ROBO2: variants seen among roughly 807,000 people sequenced by gnomAD.
The protein encoded by ROBO2 is roundabout homolog 2.
ROBO2 carries 53 observed loss-of-function variants against 160.8 expected under a neutral mutation model. That is an observed-to-expected ratio of 0.33 (90% CI 0.26 to 0.41). The LOEUF is 0.41. Among genes scored for constraint, ROBO2 ranks in the 10% least tolerant of loss-of-function variants. The pLI is 1.00. For missense variants in ROBO2, 1,577 were observed against 1,722.4 expected, an observed-to-expected ratio of 0.92 and a Z score of 1.49; for synonymous variants, 664 against 611.7, an observed-to-expected ratio of 1.09 and a Z score of -1.26.
intron 2 of ROBO2, among the ~76,000 whole-genome samples, chr3:76,978,943 T>TA (rs2059949024): frequency 1.4e-5 from 2 of 145,676 alleles, no homozygotes; most frequent in South Asian, 2.1e-4. Flanking sequence ...TGTTTGTTTT[T>TA]TAAAAAAAAA....
At position 77,644,770 on chromosome 3, in the gene ROBO2, C is replaced by T. The variant is rs2153724835; in HGVS notation, c.4001C>T (p.Thr1334Ile). ...CCAGGTGGCCACAGCTCATCAGGAA[C>T]AGCTTCTTCTAAGGGATCCACTGGA... Residue 1334 changes from threonine to isoleucine, a missense_variant, in exon 25 of 26, where the codon ACA (threonine) becomes ATA (isoleucine). Thr to Ile is a moderately conservative substitution (Grantham distance 89). Around this residue, in one of 2 missense-constraint regions of ROBO2, gnomAD observed 637 missense variants for 586.9 expected, o/e 1.09. Coordinates refer to ENST00000461745, the Ensembl canonical transcript of ROBO2. The T allele has an allele frequency of 1.9e-6, 3 of 1,614,008 alleles. No individual in the cohort carries two copies. The highest frequency in any genetic ancestry group is 4.5e-5 in the East Asian group (2 of 44,852).
At chr3:77,240,078 A>G (rs9869991) in intron 2 of ROBO2, among the ~76,000 whole-genome samples, 50,577 of 152,056 alleles carry the variant, frequency 0.33, 9,794 homozygotes, top group East Asian at 0.78. Flanking sequence ...AGCCAGTCCC[A>G]TGCTGCGCTC....
chr3:77,542,458 G>A (rs2092511076), intron 6 of ROBO2, among the ~76,000 whole-genome samples: 2 of 152,164 alleles, frequency 1.3e-5, no homozygotes. Context: ...GGTGACAATA[G>A]TCTATTGAAT....
intron 2 of ROBO2, among the ~76,000 whole-genome samples, chr3:77,015,113 T>C (rs1026122884): frequency 7.2e-5 from 11 of 152,054 alleles, no homozygotes; most frequent in Admixed American, 5.2e-4. Flanking sequence ...GGAAAAATCT[T>C]GTCATTTCCC....
chr3:76,773,544 CA>C (rs2062046352), intron 2 of ROBO2, among the ~76,000 whole-genome samples: 1 of 148,504 alleles, frequency 6.7e-6, no homozygotes. Flanking sequence ...TGAAGAGCTT[CA>C]AAATTAAGGG....
chr3:76,795,732 A>T (rs940693068), intron 2 of ROBO2, among the ~76,000 whole-genome samples: 2 of 152,108 alleles, frequency 1.3e-5, no homozygotes, highest in Admixed American at 6.6e-5. Context: ...TGGCATTTTG[A>T]CTTCCACTCA....
At chr3:76,045,801 T>G (rs1404315512) in intron 2 of ROBO2, among the ~76,000 whole-genome samples, 3 of 152,036 alleles carry the variant, frequency 2.0e-5, no homozygotes, top group Non-Finnish European at 4.4e-5. Context: ...TGGTGGTGGT[T>G]TCTTTCCTCC....
intron 2 of ROBO2, among the ~76,000 whole-genome samples, chr3:76,157,224 T>G (rs2106891847): frequency 6.6e-6 from 1 of 152,288 alleles, no homozygotes; most frequent in Non-Finnish European, 1.5e-5. Context: ...TTAATAATAC[T>G]TGGCTGATTA....
chr3:76,133,183 G>C (rs1425432453), intron 2 of ROBO2, among the ~76,000 whole-genome samples: 1 of 151,892 alleles, frequency 6.6e-6, no homozygotes, highest in Non-Finnish European at 1.5e-5. Context: ...AAACTTCTTA[G>C]CCCAGGGTAT....
intron 2 of ROBO2, among the ~76,000 whole-genome samples, chr3:76,450,974 A>C (rs1157490892): frequency 6.6e-6 from 1 of 152,092 alleles, no homozygotes; most frequent in African/African-American, 2.4e-5. Flanking sequence ...CACAAAGGTT[A>C]ATTTACCTCT....
chr3:77,225,316 T>C (rs2086345538), intron 2 of ROBO2, among the ~76,000 whole-genome samples: 1 of 151,924 alleles, frequency 6.6e-6, no homozygotes, highest in Non-Finnish European at 1.5e-5. Context: ...ATGGATTTTT[T>C]TCAAAGATAT....
intron 23 of ROBO2, chr3:77,631,389 C>T (rs2095159283): frequency 6.6e-6 from 1 of 152,082 alleles, no homozygotes; most frequent in African/African-American, 2.4e-5. Context: ...ATTAAATGGT[C>T]TATAGCATTT....
intron 2 of ROBO2, among the ~76,000 whole-genome samples, chr3:77,471,203 A>G (rs1348789484): frequency 6.6e-6 from 1 of 152,214 alleles, no homozygotes; most frequent in Non-Finnish European, 1.5e-5. Context: ...TAATAAACTA[A>G]GATGGAAATG....
intron 2 of ROBO2, among the ~76,000 whole-genome samples, chr3:76,855,470 G>A (rs967390599): frequency 6.6e-6 from 1 of 152,162 alleles, no homozygotes; most frequent in South Asian, 2.1e-4. Flanking sequence ...TGCAATCTGC[G>A]TGTATAAAAC....
intron 2 of ROBO2, among the ~76,000 whole-genome samples, chr3:77,152,543 C>A (rs970565774): frequency 6.6e-6 from 1 of 152,140 alleles, no homozygotes; most frequent in African/African-American, 2.4e-5. Context: ...ACTCAAAGTG[C>A]CCCATGAACA....
At chr3:77,324,802 A>AAAAAAC (rs1398139747) in intron 2 of ROBO2, among the ~76,000 whole-genome samples, 1 of 151,746 alleles carries the variant, frequency 6.6e-6, no homozygotes. Flanking sequence ...AAAAAAAAAA[A>AAAAAAC]AAGCTACCAT....
chr3:76,876,047 T>C (rs1466303785), intron 2 of ROBO2, among the ~76,000 whole-genome samples: 2 of 152,170 alleles, frequency 1.3e-5, no homozygotes, highest in Non-Finnish European at 2.9e-5. Context: ...TTTAATCATA[T>C]CTGCACAGTC....
intron 2 of ROBO2, among the ~76,000 whole-genome samples, chr3:76,644,035 C>T (rs745800378): frequency 1.6e-4 from 24 of 152,138 alleles, no homozygotes; most frequent in Non-Finnish European, 2.9e-5. Context: ...GGATTGTACC[C>T]ATATAGAGTC....
rs530328905 is a variant in ROBO2, at chr3:77,325,095, A to G, written c.389-152319A>G. ...AACAATATTTTAGAAATAAGAAATGATTCATAAGTATTGCTTGTGAATGCA... is the reference window on the plus strand; with the variant it reads ...AACAATATTTTAGAAATAAGAAATGGTTCATAAGTATTGCTTGTGAATGCA... On this transcript the variant is annotated intron_variant, in intron 2 of 25. Coordinates refer to ENST00000461745, the Ensembl canonical transcript of ROBO2. Among the ~76,000 whole-genome samples, 9 of 152,354 alleles carry G rather than the reference A, an allele frequency of 5.9e-5. 1 individual carries two copies. In the South Asian group the frequency reaches 1.2e-3, roughly 21 times the overall value.
Sources: allele counts gnomAD v4.1 joint callset (sites outside exome capture counted in the v4.1 genomes callset), GRCh38; gene constraint gnomAD v4.1.1; regional missense constraint gnomAD v4.1.1; transcripts MANE v1.5; gene names NCBI Gene and HGNC (gene_info 2026-07-23, HGNC 2026-07-21).